Variants in PDGFA observed in about 807,000 individuals in gnomAD.
PDGFA encodes the protein platelet derived growth factor subunit A, also known as platelet-derived growth factor subunit A.
PDGFA carries 9 observed loss-of-function variants against 25.6 expected under a neutral mutation model. The ratio of observed to expected loss-of-function variants is 0.35; its 90% CI spans 0.21 to 0.61. The LOEUF (loss-of-function observed/expected upper bound fraction) is 0.61, where lower values mean the gene tolerates loss of function less well. PDGFA is among the 20% of genes least tolerant of loss of function. The pLI is 0.75. For synonymous variants in PDGFA, 133 were observed against 111.8 expected (o/e 1.19, Z -1.20); for missense variants, 242 against 272.8 (o/e 0.89, Z 0.79).
upstream of PDGFA, chr7:520,215 G>A: frequency 4.4e-6 from 1 of 227,658 alleles, no homozygotes; most frequent in Non-Finnish European, 9.0e-6. Context: ...GGCCCCAGCG[G>A]CGGCAGCGGG....
chr7:498,364 A>C, exon 6 of PDGFA: 1 of 550,246 alleles, frequency 1.8e-6, no homozygotes, highest in Non-Finnish European at 3.3e-6. Context: ...TTACTGCTTC[A>C]CCGAGTGCTA....
At chr7:508,762 G>C (rs548227185) in intron 4 of PDGFA, among the ~76,000 whole-genome samples, 8 of 152,064 alleles carry the variant, frequency 5.3e-5, no homozygotes, top group African/African-American at 1.9e-4. Flanking sequence ...AGCCCTAAGA[G>C]AGCCCATCCC....
chr7:505,361 A>T (rs1782515160), intron 4 of PDGFA, among the ~76,000 whole-genome samples: 1 of 152,116 alleles, frequency 6.6e-6, no homozygotes, highest in Admixed American at 6.5e-5. Context: ...TCTGCGTCGT[A>T]AGCCGCCCCA....
Position 510,800 on chromosome 7 carries a change from AGGG to A in PDGFA, c.453+6_453+8del. 1 of 1,166,252 alleles carries A rather than the reference AGGG, an allele frequency of 8.6e-7. No homozygotes were observed. The allele number at this position is 1,166,252 out of a possible 1,614,324, so 72.2% of individuals were successfully genotyped here. ...AGGGGAGGGGAGGGGAGGGGAGGGG[AGGG>A]CTCACCTTGACGCTGCGGTGGTGGA... On this transcript the variant is annotated splice_donor_region_variant and intron_variant, in intron 4 of 5. Transcript: ENST00000402802.
At chr7:514,309 C>T (rs1782990498) in intron 2 of PDGFA, among the ~76,000 whole-genome samples, 1 of 152,180 alleles carries the variant, frequency 6.6e-6, no homozygotes, top group African/African-American at 2.4e-5. Context: ...ACCCTCTAGC[C>T]CTGGCTTAAT....
At chr7:510,732 GGGAGGGGAGA>G in intron 4 of PDGFA, 67 bp downstream of exon 4, 2 of 386,232 alleles carry the variant, frequency 5.2e-6, no homozygotes, top group Non-Finnish European at 9.3e-6. Context: ...GGGAGAGGAG[GGGAGGGGAGA>G]GGAGAGGAGG....
At chr7:512,623 G>A (rs767782237) in intron 2 of PDGFA, 168 bp from the exon 3 acceptor site, 42 of 1,535,200 alleles carry the variant, frequency 2.7e-5, no homozygotes, top group South Asian at 1.8e-4. Flanking sequence ...GGAGAACCTC[G>A]ATTCCCACCA....
intron 4 of PDGFA, among the ~76,000 whole-genome samples, chr7:506,081 C>T (rs1281201752): frequency 6.6e-6 from 1 of 150,584 alleles, no homozygotes; most frequent in African/African-American, 2.4e-5. Context: ...GAGGCTAAGG[C>T]AGAAGAATTG....
chr7:512,579 G>C, intron 2 of PDGFA, 124 bp from the exon 3 acceptor site: 1 of 1,548,846 alleles, frequency 6.5e-7, no homozygotes, highest in South Asian at 1.2e-5. Flanking sequence ...TGGCGGCACA[G>C]CCCCTCACAG....
intron 4 of PDGFA, among the ~76,000 whole-genome samples, chr7:507,553 G>A (rs927829029): frequency 1.3e-5 from 2 of 152,214 alleles, no homozygotes; most frequent in African/African-American, 4.8e-5. Flanking sequence ...CCCCATGACA[G>A]GCCAGGGTGG....
chr7:502,821 A>G (rs1483686945), intron 4 of PDGFA, among the ~76,000 whole-genome samples: 1 of 147,102 alleles, frequency 6.8e-6, no homozygotes, highest in African/African-American at 2.5e-5. Context: ...TAATGCACAT[A>G]TAGGCCCTGT....
rs1421445437 is a variant in PDGFA at position 500,468 on chromosome 7, T to C, written c.580+648A>G. 6 of 1,613,970 alleles carry C rather than the reference T, an allele frequency of 3.7e-6. No individual in the cohort carries two copies. Among genetic ancestry groups the C allele is most frequent in the Non-Finnish European group, 5.1e-6 (6 of 1,180,040 alleles). ...TTTAGGTGGGTTTTAACCTTTTTCT[T>C]TTCCGTTTTTTACCTGACTCCCTAG... On this transcript the variant is annotated intron_variant, in intron 5 of 5. Coordinates refer to ENST00000402802, the Ensembl canonical transcript of PDGFA. The surrounding 1 kb of genome is among the most constrained non-coding windows in gnomAD (Gnocchi z 5.0).
Position 498,441 on chromosome 7 carries a change from GAC to G in PDGFA, c.*121_*122del, listed in dbSNP as rs547490038. 128 of 915,150 alleles carry G rather than the reference GAC, an allele frequency of 1.4e-4. No homozygotes were observed. In the African/African-American group the frequency reaches 1.5e-3, roughly 11 times the overall value. The allele number at this position is 915,150 out of a possible 1,614,324, so 56.7% of individuals were successfully genotyped here. ...CTCTTTGTTCTCCCGAGTGTTCTCGGACACAGTTTTTCACGGAGGAGAACAAA... is the reference window on the plus strand; with the variant it reads ...CTCTTTGTTCTCCCGAGTGTTCTCGGACAGTTTTTCACGGAGGAGAACAAA... On this transcript the variant is annotated 3_prime_UTR_variant, in exon 6 of 6. Coordinates refer to ENST00000402802, the Ensembl canonical transcript of PDGFA.
chr7:503,216 G>A (rs1782424680), intron 4 of PDGFA, among the ~76,000 whole-genome samples: 1 of 152,190 alleles, frequency 6.6e-6, no homozygotes, highest in South Asian at 2.1e-4. Flanking sequence ...ACACACCAGG[G>A]AATAGCCACC....
chr7:512,627 C>A (rs762156210), intron 2 of PDGFA, 172 bp from the exon 3 acceptor site: 1 of 1,530,658 alleles, frequency 6.5e-7, no homozygotes, highest in South Asian at 1.2e-5. Context: ...AACCTCGATT[C>A]CCACCAGGGC....
chr7:507,329 G>C (rs1782605053), intron 4 of PDGFA, among the ~76,000 whole-genome samples: 2 of 152,232 alleles, frequency 1.3e-5, no homozygotes, highest in African/African-American at 4.8e-5. Context: ...AGGACACCCT[G>C]TCCCGGCAGA....
intron 4 of PDGFA, among the ~76,000 whole-genome samples, chr7:508,889 C>A (rs555664579): frequency 1.1e-3 from 162 of 152,372 alleles, no homozygotes; most frequent in African/African-American, 3.8e-3. Context: ...GATGCCCCAA[C>A]AGGCAGGAAA....
chr7:497,444 T>C, exon 6 of PDGFA: 1 of 152,154 alleles, frequency 6.6e-6, no homozygotes, highest in East Asian at 1.9e-4. Context: ...ATAAAGAATT[T>C]GGGTTCTGTC....
upstream of PDGFA, chr7:520,153 G>A (rs1286880446): frequency 3.3e-6 from 1 of 303,918 alleles, no homozygotes; most frequent in Non-Finnish European, 6.6e-6. Flanking sequence ...CACCGGGTGG[G>A]GAGGGAGGAG....
Sources: allele counts gnomAD v4.1 joint callset (sites outside exome capture counted in the v4.1 genomes callset), GRCh38; gene constraint gnomAD v4.1.1; non-coding constraint Gnocchi (gnomAD v3.1); transcripts MANE v1.5; gene names NCBI Gene and HGNC (gene_info 2026-07-23, HGNC 2026-07-21).